KIF16B: variants seen among roughly 807,000 people sequenced by gnomAD.
The protein encoded by KIF16B is kinesin family member 16B, also known as kinesin-like protein KIF16B.
In KIF16B, 98 loss-of-function variants were observed where a neutral mutation model predicts 156.3. That is an observed-to-expected ratio of 0.63 (90% CI 0.53 to 0.74). The LOEUF (loss-of-function observed/expected upper bound fraction) is 0.74. Among genes scored for constraint, KIF16B ranks in the 30% least tolerant of loss-of-function variants. The pLI is 0.00. For synonymous variants in KIF16B, 564 were observed against 583.7 expected, an observed-to-expected ratio of 0.97 and a Z score of 0.49; for missense variants, 1,421 against 1,606.5, an observed-to-expected ratio of 0.88 and a Z score of 1.97.
intron 1 of KIF16B, among the ~76,000 whole-genome samples, chr20:16,560,958 A>C (rs2147358470): frequency 6.6e-6 from 1 of 152,228 alleles, no homozygotes; most frequent in Admixed American, 6.5e-5. Flanking sequence ...GAATCATAAA[A>C]TCATTTTAGT....
intron 12 of KIF16B, among the ~76,000 whole-genome samples, chr20:16,491,661 A>G (rs1465665913): frequency 6.6e-6 from 1 of 152,192 alleles, no homozygotes; most frequent in Admixed American, 6.5e-5. Flanking sequence ...TGAGTCAGAA[A>G]GAGAACTGAA....
intron 1 of KIF16B, among the ~76,000 whole-genome samples, chr20:16,564,233 C>T (rs2071169622): frequency 6.6e-6 from 1 of 152,132 alleles, no homozygotes; most frequent in Admixed American, 6.5e-5. Flanking sequence ...TGGTTTCCAG[C>T]TTCACCCATG....
chr20:16,375,796 C>A (rs2064936209), intron 19 of KIF16B, among the ~76,000 whole-genome samples: 1 of 152,088 alleles, frequency 6.6e-6, no homozygotes, highest in Non-Finnish European at 1.5e-5. Flanking sequence ...GGCCAATGGC[C>A]AGTGGAAAAG....
chr20:16,379,060 C>T lies in KIF16B; in HGVS notation c.2942G>A (p.Arg981His), dbSNP rs371455061. ...ATFEFTANIA[R>H]QEEKVRKKEK... is the part of the protein sequence containing the mutation. ...CTTTTTCCTCACTTTTTCCTCCTGA[C>T]GTGCAATGTTGGCAGTGAATTCAAA... The change falls in exon 19 of 26, where the codon CGT becomes CAT. Residue 981 changes from arginine (R) to histidine (H), a missense_variant. Transcript: ENST00000354981. The T allele has an allele frequency of 2.2e-5, 35 of 1,611,274 alleles. No individual in the cohort carries two copies. The highest frequency in any genetic ancestry group is 2.7e-5 in the African/African-American group (2 of 74,716).
At chr20:16,435,023 C>T (rs2066607155) in intron 12 of KIF16B, among the ~76,000 whole-genome samples, 1 of 152,058 alleles carries the variant, frequency 6.6e-6, no homozygotes. Flanking sequence ...AGTAAAACTA[C>T]TTTTTAACTT....
chr20:16,372,165 G>C (rs528714413), intron 20 of KIF16B, among the ~76,000 whole-genome samples: 1 of 152,238 alleles, frequency 6.6e-6, no homozygotes, highest in South Asian at 2.1e-4. Context: ...GGATAATACA[G>C]ATGATAGTTA....
intron 15 of KIF16B, among the ~76,000 whole-genome samples, chr20:16,412,991 T>C (rs1468681220): frequency 6.6e-6 from 1 of 151,854 alleles, no homozygotes; most frequent in Non-Finnish European, 1.5e-5. Flanking sequence ...TAAGGACAAG[T>C]CAGTGCTTAA....
At chr20:16,274,298 C>T (rs890415763) in intron 25 of KIF16B, among the ~76,000 whole-genome samples, 1 of 152,182 alleles carries the variant, frequency 6.6e-6, no homozygotes, top group Non-Finnish European at 1.5e-5. Flanking sequence ...ACTACAATTA[C>T]TTGCTCCAGA....
intron 24 of KIF16B, among the ~76,000 whole-genome samples, chr20:16,319,392 C>G (rs2063742698): frequency 6.6e-6 from 1 of 152,254 alleles, no homozygotes; most frequent in South Asian, 2.1e-4. Flanking sequence ...TAAAATAGGA[C>G]TTCTGGTTTC....
At chr20:16,367,815 G>A in intron 22 of KIF16B, 2 of 1,612,014 alleles carry the variant, frequency 1.2e-6, no homozygotes, top group Non-Finnish European at 1.7e-6. Flanking sequence ...CACACAGGAG[G>A]TCACGACACA....
chr20:16,513,309 G>C (rs2069020073), intron 4 of KIF16B, among the ~76,000 whole-genome samples: 1 of 152,094 alleles, frequency 6.6e-6, no homozygotes, highest in South Asian at 2.1e-4. Context: ...GAAAAACTTA[G>C]CAATCCCCAC....
At chr20:16,374,128 C>T (rs913922838) in intron 20 of KIF16B, 129 bp downstream of exon 20, 17 of 891,122 alleles carry the variant, frequency 1.9e-5, no homozygotes, top group African/African-American at 3.4e-5. Flanking sequence ...AGGCAGAGCA[C>T]ATCTCAAGCA....
chr20:16,381,647 G>A, intron 18 of KIF16B, 47 bp downstream of exon 18: 1 of 1,436,736 alleles, frequency 7.0e-7, no homozygotes, highest in East Asian at 2.3e-5. Context: ...ATTAACACAG[G>A]AATCCAGACT....
At chr20:16,567,387 C>T (rs1483977851) in intron 1 of KIF16B, among the ~76,000 whole-genome samples, 1 of 152,150 alleles carries the variant, frequency 6.6e-6, no homozygotes, top group Non-Finnish European at 1.5e-5. Context: ...GAGATCTCTT[C>T]CTCTAGCCTC....
chr20:16,538,065 A>G (rs1481152586), intron 1 of KIF16B, among the ~76,000 whole-genome samples: 5 of 151,754 alleles, frequency 3.3e-5, no homozygotes, highest in Non-Finnish European at 5.9e-5. Context: ...CTCCTGATAA[A>G]CCATTAGAAA....
intron 23 of KIF16B, among the ~76,000 whole-genome samples, chr20:16,339,103 G>A (rs930466912): frequency 6.6e-6 from 1 of 152,144 alleles, no homozygotes; most frequent in Non-Finnish European, 1.5e-5. Context: ...ACAGAAAGGA[G>A]GCTGTGTTGG....
At chr20:16,380,652 C>T (rs974070841) in intron 18 of KIF16B, among the ~76,000 whole-genome samples, 15 of 152,202 alleles carry the variant, frequency 9.9e-5, no homozygotes, top group Admixed American at 8.5e-4. Flanking sequence ...AAAATACATA[C>T]TATTTAGCAT....
chr20:16,459,056 C>A (rs994387034), intron 12 of KIF16B, among the ~76,000 whole-genome samples: 4 of 150,450 alleles, frequency 2.7e-5, no homozygotes, highest in African/African-American at 9.9e-5. Context: ...CATTTCCCAG[C>A]TTTAATGCTT....
At chr20:16,372,609 C>G (rs371091087) in intron 20 of KIF16B, among the ~76,000 whole-genome samples, 1 of 152,200 alleles carries the variant, frequency 6.6e-6, no homozygotes, top group Admixed American at 6.5e-5. Flanking sequence ...TTATCTTCAT[C>G]GAAAATCTTT....
Sources: allele counts gnomAD v4.1 joint callset (sites outside exome capture counted in the v4.1 genomes callset), GRCh38; gene constraint gnomAD v4.1.1; transcripts MANE v1.5; gene names NCBI Gene and HGNC (gene_info 2026-07-23, HGNC 2026-07-21).